Variants in CA10 observed in about 807,000 individuals in gnomAD.
CA10 encodes the protein carbonic anhydrase-related protein 10.
A neutral mutation model predicts 44.2 loss-of-function variants in CA10; 14 were observed. That is an observed-to-expected ratio of 0.32 (90% CI 0.21 to 0.50). The LOEUF (loss-of-function observed/expected upper bound fraction) is 0.50, where lower values mean the gene tolerates loss of function less well. CA10 is among the 20% of genes least tolerant of loss of function. CA10 has a pLI of 0.99. For missense variants in CA10, 350 were observed against 409.7 expected (o/e 0.85, Z 1.26); for synonymous variants, 159 against 141.6 (o/e 1.12, Z -0.87).
intron 3 of CA10, among the ~76,000 whole-genome samples, chr17:51,759,435 A>G (rs1015501111): frequency 2.4e-4 from 35 of 148,022 alleles, no homozygotes; most frequent in African/African-American, 8.3e-4. Context: ...ATATATGTAA[A>G]TATGTAATAT....
intron 8 of CA10, among the ~76,000 whole-genome samples, chr17:51,633,227 C>T (rs975941280): frequency 2.6e-5 from 4 of 152,104 alleles, no homozygotes; most frequent in African/African-American, 9.7e-5. Flanking sequence ...ATCTACCTAC[C>T]GTCCATCCAT....
At chr17:51,718,705 G>T (rs577840137) in intron 4 of CA10, among the ~76,000 whole-genome samples, 1 of 152,262 alleles carries the variant, frequency 6.6e-6, no homozygotes, top group African/African-American at 2.4e-5. Flanking sequence ...GGAAAACTAA[G>T]CCCTCCATCT....
chr17:52,084,331 C>T (rs912206808), intron 1 of CA10, among the ~76,000 whole-genome samples: 4 of 152,194 alleles, frequency 2.6e-5, no homozygotes, highest in African/African-American at 9.7e-5. Flanking sequence ...CATAGCTCAA[C>T]ATAGTTTTGT....
chr17:51,769,652 T>C (rs1386249477), intron 3 of CA10, among the ~76,000 whole-genome samples: 3 of 152,310 alleles, frequency 2.0e-5, no homozygotes, highest in Middle Eastern at 3.4e-3. Flanking sequence ...ATCAAAGATA[T>C]ATTTCCAGTC....
At chr17:51,676,200 A>G (rs1282489513) in intron 4 of CA10, among the ~76,000 whole-genome samples, 2 of 152,212 alleles carry the variant, frequency 1.3e-5, no homozygotes, top group Admixed American at 6.5e-5. Context: ...AGGAACCACC[A>G]AACTGTTTTC....
chr17:51,633,031 C>T (rs1567781509), intron 8 of CA10, among the ~76,000 whole-genome samples: 1 of 152,146 alleles, frequency 6.6e-6, no homozygotes, highest in Admixed American at 6.5e-5. Flanking sequence ...TACTTAAAAG[C>T]TCTAATGCTT....
rs1487166687 is a variant in CA10, at chr17:52,011,499, A to T, written c.136+60820T>A. 3.3e-5 allele frequency among the ~76,000 whole-genome samples: 5 copies of T among 152,198 alleles called. No homozygotes were observed. The South Asian group carries it at 1.0e-3, about 31-fold the overall frequency. ...CATCTTAAGAAGAAGTTATAGCCAAATAATTTTGTTCAATTATATTAACCA... is the reference window on the plus strand; with the variant it reads ...CATCTTAAGAAGAAGTTATAGCCAATTAATTTTGTTCAATTATATTAACCA... On this transcript the variant is annotated intron_variant, in intron 2 of 8. Coordinates refer to ENST00000451037, the MANE Select transcript of CA10 (RefSeq NM_020178.5).
chr17:52,039,766 A>C (rs1024743049), intron 2 of CA10, among the ~76,000 whole-genome samples: 5 of 152,152 alleles, frequency 3.3e-5, no homozygotes, highest in African/African-American at 1.2e-4. Context: ...TTGTCCAAAG[A>C]ATAATGGGTA....
chr17:52,133,242 A>T (rs1989279868), intron 1 of CA10, among the ~76,000 whole-genome samples: 1 of 152,222 alleles, frequency 6.6e-6, no homozygotes, highest in African/African-American at 2.4e-5. Context: ...CTCTAAGGTA[A>T]GCCTTGGAGC....
intron 6 of CA10, among the ~76,000 whole-genome samples, chr17:51,644,872 C>G (rs529901518): frequency 4.2e-4 from 61 of 146,866 alleles, no homozygotes; most frequent in African/African-American, 1.5e-3. Context: ...GATCTCAGCT[C>G]ACTGCCACCT....
intron 3 of CA10, among the ~76,000 whole-genome samples, chr17:51,755,078 T>C (rs1264886959): frequency 6.6e-6 from 1 of 152,164 alleles, no homozygotes; most frequent in Non-Finnish European, 1.5e-5. Flanking sequence ...GTTTTCCAAA[T>C]GTCAGTCACA....
At chr17:51,702,220 G>T (rs1915625746) in intron 4 of CA10, among the ~76,000 whole-genome samples, 1 of 152,192 alleles carries the variant, frequency 6.6e-6, no homozygotes, top group South Asian at 2.1e-4. Context: ...GTGCAAGATA[G>T]ATATTATGGT....
At chr17:51,642,755 G>T (rs1212466427) in intron 6 of CA10, among the ~76,000 whole-genome samples, 1 of 152,072 alleles carries the variant, frequency 6.6e-6, no homozygotes, top group Non-Finnish European at 1.5e-5. Context: ...TGATTGTCCT[G>T]CCTCAGCCTC....
intron 3 of CA10, among the ~76,000 whole-genome samples, chr17:51,897,975 T>C (rs1169960038): frequency 1.3e-5 from 2 of 152,164 alleles, no homozygotes; most frequent in African/African-American, 4.8e-5. Flanking sequence ...GCAAAGTCTA[T>C]GGGGTTTTCT....
At position 51,735,117 on chromosome 17, in the gene CA10, C is replaced by T. The variant is rs570647188; in HGVS notation, c.465+12516G>A. 3.4e-4 allele frequency among the ~76,000 whole-genome samples: 51 copies of T among 152,228 alleles called. 2 individuals carry two copies. The highest frequency in any genetic ancestry group is 2.4e-3 in the Admixed American group (36 of 15,278). On this transcript the variant is annotated intron_variant, in intron 4 of 8. Coordinates refer to ENST00000451037, the MANE Select transcript of CA10 (RefSeq NM_020178.5). Reference sequence around the variant, plus strand: ...CTCATGTAATTTTTAAGAATTTCACCTTCTGCATGGGTGCTACTCTGGATT... The same window carrying T: ...CTCATGTAATTTTTAAGAATTTCACTTTCTGCATGGGTGCTACTCTGGATT...
chr17:52,149,428 C>T (rs1335542755), intron 1 of CA10, among the ~76,000 whole-genome samples: 1 of 152,174 alleles, frequency 6.6e-6, no homozygotes, highest in African/African-American at 2.4e-5. Flanking sequence ...TGTAATCAAA[C>T]CCCACACTGG....
At chr17:52,015,292 G>A (rs934901531) in intron 2 of CA10, among the ~76,000 whole-genome samples, 8 of 152,084 alleles carry the variant, frequency 5.3e-5, no homozygotes, top group African/African-American at 1.9e-4. Flanking sequence ...CCGGGGTTGG[G>A]TCATGAAGCT....
chr17:51,858,797 G>A (rs1979168859), intron 3 of CA10, among the ~76,000 whole-genome samples: 1 of 152,138 alleles, frequency 6.6e-6, no homozygotes, highest in Non-Finnish European at 1.5e-5. Flanking sequence ...GCTAGTGAAG[G>A]GTAGTTAAGG....
rs148839711 is a variant in CA10 at position 51,931,012 on chromosome 17, C to G, written c.257G>C (p.Arg86Pro). 2 of 1,613,200 alleles carry G rather than the reference C, an allele frequency of 1.2e-6. No individual in the cohort carries two copies. The highest frequency in any genetic ancestry group is 8.5e-7 in the Non-Finnish European group (1 of 1,179,480). Residue 86 changes from arginine (R) to proline (P), a missense_variant, in exon 3 of 9, where the codon CGC becomes CCC. Transcript: ENST00000451037. ...MIFDPFLTPLRINTGGRKVSG... is the reference protein window; with the variant it reads ...MIFDPFLTPLPINTGGRKVSG... ...TACCTTCCTGCCCCCCGTGTTGATGCGAAGAGGTGTCAGAAAGGGGTCGAA... is the reference window on the plus strand; with the variant it reads ...TACCTTCCTGCCCCCCGTGTTGATGGGAAGAGGTGTCAGAAAGGGGTCGAA...
Sources: gnomAD v4.1 joint callset for allele counts (sites outside exome capture counted in the v4.1 genomes callset) on GRCh38, gnomAD v4.1.1 for gene constraint, MANE v1.5 for transcripts, NCBI Gene and HGNC (gene_info 2026-07-23, HGNC 2026-07-21) for gene names.